Variants in PLCG2 observed in about 807,000 individuals in gnomAD.
PLCG2 encodes 1-phosphatidylinositol 4,5-bisphosphate phosphodiesterase gamma-2.
Under a neutral mutation model 175.6 loss-of-function variants are expected in PLCG2, and 69 were observed. That is an observed-to-expected ratio of 0.39 (90% CI 0.32 to 0.48). The LOEUF (loss-of-function observed/expected upper bound fraction) is 0.48. PLCG2 is among the 20% of genes least tolerant of loss of function. The probability of loss-of-function intolerance (pLI) is 0.91; values close to 1 mark genes in which losing one functional copy is unlikely to be tolerated. For missense variants in PLCG2, 1,798 were observed against 1,650.9 expected (o/e 1.09, Z -1.54); for synonymous variants, 827 against 624.0 (o/e 1.33, Z -4.85).
Position 81,889,219 on chromosome 16 carries a change from G to A in PLCG2, c.813G>A (p.Lys271=). 6.2e-7 allele frequency: 1 copy of A among 1,607,098 alleles called. No homozygotes were observed. Among genetic ancestry groups the A allele is most frequent in the Non-Finnish European group, 8.5e-7 (1 of 1,177,016 alleles). Residue 271 remains lysine, a synonymous_variant, in exon 10 of 33, where the codon AAG becomes AAA. Transcript: ENST00000564138. ...DLNKVRERMT[K]FIDDTMRETA... is the part of the protein sequence containing the mutation. ...ACAAAGTCCGTGAGCGGATGACAAA[G>A]TTCATTGATGACACCATGCGTGAAA...
At chr16:81,749,535 G>C (rs1352375709) in intron 1 of PLCG2, among the ~76,000 whole-genome samples, 1 of 152,054 alleles carries the variant, frequency 6.6e-6, no homozygotes, top group Admixed American at 6.6e-5. Flanking sequence ...TGTATTTTTA[G>C]TAGAGACGAG....
intron 2 of PLCG2, among the ~76,000 whole-genome samples, chr16:81,849,289 T>C (rs1009356973): frequency 3.9e-5 from 6 of 152,120 alleles, no homozygotes; most frequent in Non-Finnish European, 1.5e-5. Context: ...GTGGCTTGGA[T>C]TGTGGTGTTG....
Position 81,930,639 on chromosome 16 carries a change from T to TGGGG in PLCG2, c.2582-858_2582-857insGGGG, listed in dbSNP as rs1555521576. Among the ~76,000 whole-genome samples, 4 of 150,576 alleles carry TGGGG rather than the reference T, an allele frequency of 2.7e-5. No homozygotes were observed. In the East Asian group the frequency reaches 7.8e-4, roughly 29 times the overall value. Reference sequence around the variant, plus strand: ...GGTGTGCACCTGTGGTCTCAGCTACTAGGGAGGCTGAGGTGGGAGGATCGC... The same window carrying TGGGG: ...GGTGTGCACCTGTGGTCTCAGCTACTGGGGAGGGAGGCTGAGGTGGGAGGATCGC... On this transcript the variant is annotated intron_variant, in intron 24 of 32. Coordinates refer to ENST00000564138, the MANE Select transcript of PLCG2 (RefSeq NM_002661.5).
At chr16:81,750,685 T>TTTTTTTTTTTTTA (rs869211052) in intron 1 of PLCG2, among the ~76,000 whole-genome samples, 2 of 128,554 alleles carry the variant, frequency 1.6e-5, no homozygotes, top group African/African-American at 3.1e-5. Flanking sequence ...TTTTTTTTTT[T>TTTTTTTTTTTTTA]GAGATAGAGT....
chr16:81,916,997 T>G (rs1356594957), intron 19 of PLCG2, among the ~76,000 whole-genome samples: 2 of 152,152 alleles, frequency 1.3e-5, no homozygotes, highest in Non-Finnish European at 2.9e-5. Context: ...CACTTACTCC[T>G]CTTGTCTAAC....
At chr16:81,834,266 G>C (rs1429817527) in intron 2 of PLCG2, among the ~76,000 whole-genome samples, 1 of 152,176 alleles carries the variant, frequency 6.6e-6, no homozygotes, top group Non-Finnish European at 1.5e-5. Flanking sequence ...GGGGGACCTG[G>C]TTTGTTCTCT....
intron 31 of PLCG2, among the ~76,000 whole-genome samples, chr16:81,952,379 T>C (rs940704188): frequency 2.6e-5 from 4 of 152,208 alleles, no homozygotes; most frequent in African/African-American, 9.7e-5. Context: ...ACCCCAGTCA[T>C]TGGATTCTCA....
At chr16:81,856,966 G>T (rs986503146) in intron 3 of PLCG2, among the ~76,000 whole-genome samples, 72 of 152,196 alleles carry the variant, frequency 4.7e-4, no homozygotes, top group African/African-American at 1.6e-3. Context: ...CAGAAGCTGG[G>T]AAAGGTGAGT....
At chr16:81,896,642 C>T (rs1340706227) in intron 13 of PLCG2, among the ~76,000 whole-genome samples, 5 of 152,132 alleles carry the variant, frequency 3.3e-5, no homozygotes, top group Non-Finnish European at 1.5e-5. Flanking sequence ...TAAAATTCCC[C>T]TTCTGTCCTA....
At chr16:81,940,805 C>A (rs572644059) in intron 30 of PLCG2, among the ~76,000 whole-genome samples, 1 of 152,146 alleles carries the variant, frequency 6.6e-6, no homozygotes, top group Non-Finnish European at 1.5e-5. Flanking sequence ...CTCTCCTTAG[C>A]TTCTATATAG....
At chr16:81,925,855 C>T (rs1910243951) in intron 22 of PLCG2, among the ~76,000 whole-genome samples, 1 of 150,050 alleles carries the variant, frequency 6.7e-6, no homozygotes, top group Non-Finnish European at 1.5e-5. Flanking sequence ...CCATGCACTC[C>T]AGCCTGGGGG....
intron 13 of PLCG2, among the ~76,000 whole-genome samples, chr16:81,897,100 G>C (rs1035929821): frequency 6.6e-6 from 1 of 152,196 alleles, no homozygotes; most frequent in Non-Finnish European, 1.5e-5. Flanking sequence ...CATGAGTCTG[G>C]CTGTGTTCCA....
At chr16:81,844,744 T>A (rs1204106265) in intron 2 of PLCG2, among the ~76,000 whole-genome samples, 2 of 152,196 alleles carry the variant, frequency 1.3e-5, no homozygotes, top group African/African-American at 4.8e-5. Context: ...ATTCAGATAG[T>A]GAGAATTTGC....
At chr16:81,888,694 A>C (rs914911166) in intron 9 of PLCG2, among the ~76,000 whole-genome samples, 1 of 152,222 alleles carries the variant, frequency 6.6e-6, no homozygotes, top group African/African-American at 2.4e-5. Flanking sequence ...ATGAGATGCC[A>C]ACCCAGGTAA....
intron 2 of PLCG2, among the ~76,000 whole-genome samples, chr16:81,829,624 C>A (rs78639753): frequency 0.025 from 3,800 of 152,346 alleles, 50 homozygotes; most frequent in Middle Eastern, 0.034. Context: ...AACAGTTTCT[C>A]CTCGTATGTT....
chr16:81,953,908 C>A (rs564186753), intron 31 of PLCG2, among the ~76,000 whole-genome samples: 1 of 151,982 alleles, frequency 6.6e-6, no homozygotes, highest in African/African-American at 2.4e-5. Flanking sequence ...AACTTGCGCC[C>A]GAATAACAAA....
intron 2 of PLCG2, among the ~76,000 whole-genome samples, chr16:81,773,539 T>G (rs1450693021): frequency 6.6e-6 from 1 of 152,184 alleles, no homozygotes; most frequent in Non-Finnish European, 1.5e-5. Context: ...CAGCTGCTCT[T>G]GTACACTATT....
chr16:81,897,890 G>C (rs1226296337), intron 13 of PLCG2: 1 of 455,116 alleles, frequency 2.2e-6, no homozygotes, highest in East Asian at 7.0e-5. Flanking sequence ...CCCTTGAGCT[G>C]GGTGGAGGTG....
At chr16:81,766,069 A>G (rs1910143418) in intron 2 of PLCG2, among the ~76,000 whole-genome samples, 1 of 151,912 alleles carries the variant, frequency 6.6e-6, no homozygotes, top group African/African-American at 2.4e-5. Context: ...GGTGTGTCCT[A>G]CCTCTTCTGT....
Sources: allele counts gnomAD v4.1 joint callset (sites outside exome capture counted in the v4.1 genomes callset), GRCh38; gene constraint gnomAD v4.1.1; transcripts MANE v1.5; gene names NCBI Gene and HGNC (gene_info 2026-07-23, HGNC 2026-07-21).